Variants in GPC5 observed in about 807,000 individuals in gnomAD.
The protein encoded by GPC5 is glypican-5.
Under a neutral mutation model 53.9 loss-of-function variants are expected in GPC5, and 47 were observed. The observed-to-expected ratio is 0.87, with a 90% confidence interval of 0.69 to 1.11. The LOEUF (loss-of-function observed/expected upper bound fraction) is 1.11, where lower values mean the gene tolerates loss of function less well. Ranked by LOEUF, GPC5 falls within the 50% of genes most tolerant of loss-of-function variation. GPC5 has a pLI of 0.00. For missense variants in GPC5, 748 were observed against 713.1 expected (o/e 1.05, Z -0.56); for synonymous variants, 286 against 263.3 (o/e 1.09, Z -0.84).
chr13:91,775,730 C>T (rs556375144), intron 5 of GPC5, among the ~76,000 whole-genome samples: 12 of 152,230 alleles, frequency 7.9e-5, no homozygotes, highest in Middle Eastern at 6.8e-3. Flanking sequence ...ATGTATGTCC[C>T]GTGATAGCAT....
intron 7 of GPC5, among the ~76,000 whole-genome samples, chr13:92,722,222 G>A (rs1888526242): frequency 2.0e-5 from 3 of 152,042 alleles, no homozygotes; most frequent in East Asian, 1.9e-4. Context: ...TGATTATAAA[G>A]TGCATGTAGT....
chr13:91,834,597 C>T (rs1209566816), intron 5 of GPC5, among the ~76,000 whole-genome samples: 1 of 152,086 alleles, frequency 6.6e-6, no homozygotes, highest in Non-Finnish European at 1.5e-5. Context: ...CACCACACAT[C>T]TACAACCATC....
chr13:92,835,265 T>A (rs1878185316), intron 7 of GPC5, among the ~76,000 whole-genome samples: 1 of 152,022 alleles, frequency 6.6e-6, no homozygotes, highest in Non-Finnish European at 1.5e-5. Flanking sequence ...AAAGTGTAAT[T>A]ATTATTATAT....
chr13:92,103,846 T>C (rs2041485591), intron 6 of GPC5, among the ~76,000 whole-genome samples: 1 of 152,186 alleles, frequency 6.6e-6, no homozygotes. Flanking sequence ...TAGGTTTTTT[T>C]CAGAAGTGCA....
intron 2 of GPC5, among the ~76,000 whole-genome samples, chr13:91,567,201 A>G (rs2031573547): frequency 1.3e-5 from 2 of 152,032 alleles, no homozygotes; most frequent in African/African-American, 2.4e-5. Context: ...GAACCTGGAG[A>G]TTTCTTTATT....
At chr13:91,951,410 C>T (rs1486808929) in intron 6 of GPC5, among the ~76,000 whole-genome samples, 5 of 152,042 alleles carry the variant, frequency 3.3e-5, no homozygotes, top group African/African-American at 7.2e-5. Flanking sequence ...AAGAACTGTT[C>T]GTTAACTCTC....
At chr13:92,369,837 C>G (rs1005388411) in intron 7 of GPC5, among the ~76,000 whole-genome samples, 1 of 152,184 alleles carries the variant, frequency 6.6e-6, no homozygotes, top group Non-Finnish European at 1.5e-5. Flanking sequence ...AATAAGTCCT[C>G]TACCAAAGGC....
At chr13:92,184,270 T>A (rs757178312) in intron 7 of GPC5, among the ~76,000 whole-genome samples, 1 of 152,202 alleles carries the variant, frequency 6.6e-6, no homozygotes, top group Non-Finnish European at 1.5e-5. Context: ...TAAATTTGAA[T>A]ATCAAACTGC....
intron 7 of GPC5, among the ~76,000 whole-genome samples, chr13:92,379,638 C>T (rs1224406609): frequency 6.6e-6 from 1 of 152,000 alleles, no homozygotes; most frequent in African/African-American, 2.4e-5. Flanking sequence ...TCTCTGTGTC[C>T]TCTGCATAGT....
intron 6 of GPC5, chr13:91,996,153 C>T (rs1296028053): frequency 6.6e-6 from 1 of 152,160 alleles, no homozygotes; most frequent in Non-Finnish European, 1.5e-5. Context: ...TCTTCACATC[C>T]CTGAGCTCTA....
chr13:91,951,252 CTGT>C (rs1428343575), intron 6 of GPC5, among the ~76,000 whole-genome samples: 1 of 152,104 alleles, frequency 6.6e-6, no homozygotes, highest in Non-Finnish European at 1.5e-5. Context: ...GTATTGATCT[CTGT>C]TTTCTATCAG....
chr13:92,160,244 G>T (rs993072438), intron 7 of GPC5, among the ~76,000 whole-genome samples: 2 of 152,040 alleles, frequency 1.3e-5, no homozygotes, highest in Non-Finnish European at 2.9e-5. Flanking sequence ...ACTCTTAAAG[G>T]TCTATATACC....
intron 7 of GPC5, among the ~76,000 whole-genome samples, chr13:92,224,913 T>C (rs1043535280): frequency 6.6e-6 from 1 of 152,184 alleles, no homozygotes; most frequent in Non-Finnish European, 1.5e-5. Context: ...TAATATATCA[T>C]CACTATGAGT....
Position 92,179,259 on chromosome 13 carries a change from A to T in GPC5, c.1561+34270A>T, listed in dbSNP as rs537089158. ...TAAAAAAATTTTCAATTAAAAGGAA[A>T]AAAATAAAGGATAATATCCTGGTTT... is the stretch of plus-strand genomic sequence containing the variant. On this transcript the variant is annotated intron_variant, in intron 7 of 7. Coordinates refer to ENST00000377067, the MANE Select transcript of GPC5 (RefSeq NM_004466.6). Among the ~76,000 whole-genome samples the T allele has an allele frequency of 1.4e-4, 22 of 152,338 alleles. No individual in the cohort carries two copies. In the South Asian group the frequency reaches 1.7e-3, roughly 11 times the overall value.
chr13:91,506,101 A>G (rs1338199126), intron 2 of GPC5, among the ~76,000 whole-genome samples: 1 of 152,130 alleles, frequency 6.6e-6, no homozygotes, highest in African/African-American at 2.4e-5. Context: ...CAGAGAAGCC[A>G]ATTACTTTGC....
At chr13:92,081,248 C>A (rs568935209) in intron 6 of GPC5, among the ~76,000 whole-genome samples, 1 of 151,998 alleles carries the variant, frequency 6.6e-6, no homozygotes, top group Non-Finnish European at 1.5e-5. Context: ...ATTACAGGCA[C>A]GCAGCACCAT....
At chr13:92,247,611 A>T (rs893157112) in intron 7 of GPC5, among the ~76,000 whole-genome samples, 1 of 152,150 alleles carries the variant, frequency 6.6e-6, no homozygotes, top group Non-Finnish European at 1.5e-5. Flanking sequence ...TGCAATGTAC[A>T]TAATACATAG....
intron 7 of GPC5, among the ~76,000 whole-genome samples, chr13:92,395,009 A>G (rs1875193876): frequency 2.0e-5 from 3 of 152,176 alleles, no homozygotes; most frequent in Non-Finnish European, 4.4e-5. Context: ...CAGAGTCTTT[A>G]TAGTTAAAGT....
At chr13:92,521,104 C>T (rs1198555666) in intron 7 of GPC5, among the ~76,000 whole-genome samples, 1 of 152,104 alleles carries the variant, frequency 6.6e-6, no homozygotes, top group Non-Finnish European at 1.5e-5. Flanking sequence ...GAACTACAAA[C>T]CACTGCTCAA....
Sources: gnomAD v4.1 joint callset for allele counts (sites outside exome capture counted in the v4.1 genomes callset) on GRCh38, gnomAD v4.1.1 for gene constraint, MANE v1.5 for transcripts, NCBI Gene and HGNC (gene_info 2026-07-23, HGNC 2026-07-21) for gene names.